NOL10: variants seen among roughly 807,000 people sequenced by gnomAD.
NOL10 encodes the protein H_NH0074G24.1.
A neutral mutation model predicts 103.5 loss-of-function variants in NOL10; 58 were observed. That is an observed-to-expected ratio of 0.56 (90% CI 0.45 to 0.70). The LOEUF (loss-of-function observed/expected upper bound fraction) is 0.70, where lower values mean the gene tolerates loss of function less well. Ranked by LOEUF, NOL10 falls within the 30% of genes least tolerant of loss-of-function variation. The pLI, the probability that NOL10 is intolerant of heterozygous loss-of-function variation, is 0.00. For synonymous variants in NOL10, 287 were observed against 282.5 expected (o/e 1.02, Z -0.16); for missense variants, 763 against 807.3 (o/e 0.95, Z 0.67).
At chr2:10,689,535 G>C (rs954382315) in intron 1 of NOL10, among the ~76,000 whole-genome samples, 7 of 152,242 alleles carry the variant, frequency 4.6e-5, no homozygotes, top group Non-Finnish European at 8.8e-5. Flanking sequence ...CTCTGGAACA[G>C]AGAACTTTAC....
chr2:10,618,147 G>C (rs963245200), intron 13 of NOL10, among the ~76,000 whole-genome samples: 1 of 151,858 alleles, frequency 6.6e-6, no homozygotes, highest in Non-Finnish European at 1.5e-5. Flanking sequence ...GAATAGCTGG[G>C]ATTATGGGTG....
At position 10,677,857 on chromosome 2, in the gene NOL10, G is replaced by GTA. The variant is rs1273438317; in HGVS notation, c.212-1987_212-1986insTA. On this transcript the variant is annotated intron_variant, in intron 3 of 20. Transcript: ENST00000381685. ...AATACATTTGTGTGTGTGTGTGTGT[G>GTA]TGTGTGTGTGTGTGTATACACATAT... Among the ~76,000 whole-genome samples the GTA allele has an allele frequency of 2.4e-3, 332 of 137,466 alleles. 1 individual carries two copies. Among genetic ancestry groups the GTA allele is most frequent in the African/African-American group, 9.0e-3 (316 of 35,302 alleles). 90.2% of individuals were successfully genotyped at this position (137,466 alleles called of 152,430 possible).
At chr2:10,594,423 T>G (rs1675556924) in intron 17 of NOL10, among the ~76,000 whole-genome samples, 2 of 152,040 alleles carry the variant, frequency 1.3e-5, no homozygotes, top group African/African-American at 4.8e-5. Context: ...ATCCCCAGGA[T>G]AATGGTAAAG....
intron 5 of NOL10, among the ~76,000 whole-genome samples, chr2:10,672,050 G>A (rs751898574): frequency 3.3e-5 from 5 of 152,120 alleles, no homozygotes; most frequent in African/African-American, 4.8e-5. Flanking sequence ...AATCCTGGCC[G>A]GGCATGGTGG....
chr2:10,652,663 C>A (rs995512032), intron 12 of NOL10, among the ~76,000 whole-genome samples: 1 of 152,154 alleles, frequency 6.6e-6, no homozygotes, highest in Admixed American at 6.5e-5. Flanking sequence ...GCTGGCTCCT[C>A]CCCCTCATTC....
chr2:10,629,571 G>C (rs180706530), intron 13 of NOL10, among the ~76,000 whole-genome samples: 54 of 152,264 alleles, frequency 3.5e-4, no homozygotes, highest in Non-Finnish European at 6.9e-4. Flanking sequence ...TTTGTACAAA[G>C]AGTGCGCCTT....
At chr2:10,581,575 C>T (rs557383389) in intron 19 of NOL10, among the ~76,000 whole-genome samples, 1 of 152,176 alleles carries the variant, frequency 6.6e-6, no homozygotes, top group African/African-American at 2.4e-5. Context: ...GCCTGCAATT[C>T]CAGCATTTTG....
intron 13 of NOL10, among the ~76,000 whole-genome samples, chr2:10,630,588 G>A (rs1328911072): frequency 6.6e-6 from 1 of 152,106 alleles, no homozygotes; most frequent in Non-Finnish European, 1.5e-5. Context: ...GGTGGCAGGT[G>A]CCTGTAGTCC....
At chr2:10,689,599 C>G (rs1222517086) in intron 1 of NOL10, among the ~76,000 whole-genome samples, 197 bp downstream of exon 1, 1 of 152,348 alleles carries the variant, frequency 6.6e-6, no homozygotes, top group African/African-American at 2.4e-5. Flanking sequence ...CAGTTTCTGG[C>G]GCGGTGACGG....
intron 14 of NOL10, among the ~76,000 whole-genome samples, chr2:10,606,393 G>A (rs1208765532): frequency 2.0e-5 from 3 of 151,930 alleles, no homozygotes; most frequent in African/African-American, 4.8e-5. Flanking sequence ...GAGAGGCTGA[G>A]GTGGGTGGAT....
chr2:10,617,741 C>T (rs1379105052), intron 13 of NOL10, among the ~76,000 whole-genome samples: 3 of 152,070 alleles, frequency 2.0e-5, no homozygotes, highest in African/African-American at 7.2e-5. Flanking sequence ...AATGGGTGAA[C>T]AAATGTGATA....
chr2:10,615,291 T>C lies in NOL10; in HGVS notation c.1027-7980A>G, dbSNP rs536078001. On this transcript the variant is annotated intron_variant, in intron 13 of 20. Coordinates refer to ENST00000381685, the MANE Select transcript of NOL10 (RefSeq NM_024894.4). ...AACTATTACCTGCCATGACTTAATA[T>C]TTGAAAAGATAATTTAGGGACTGAA... Among the ~76,000 whole-genome samples the C allele has an allele frequency of 9.2e-5, 14 of 152,320 alleles. No homozygotes were observed. In the East Asian group the frequency reaches 2.7e-3, roughly 29 times the overall value.
chr2:10,591,995 G>GTCAC (rs1410413093), intron 17 of NOL10, among the ~76,000 whole-genome samples: 1 of 123,188 alleles, frequency 8.1e-6, no homozygotes, highest in Non-Finnish European at 1.7e-5. Flanking sequence ...GAGAGACCTT[G>GTCAC]TCACAAACAA....
chr2:10,587,068 C>CATATATATATACATATATATACAT (rs760492547), intron 19 of NOL10, among the ~76,000 whole-genome samples: 1 of 24,708 alleles, frequency 4.0e-5, no homozygotes, highest in African/African-American at 1.8e-4. Flanking sequence ...TATATATATA[C>CATATATATATACATATATATACAT]ATATATATAC....
rs568457964 is a variant in NOL10 at position 10,654,333 on chromosome 2, T to C, written c.973+148A>G. The C allele has an allele frequency of 3.4e-4, 198 of 586,698 alleles. 1 individual carries two copies. The Admixed American group carries it at 6.3e-3, about 19-fold the overall frequency. The allele number at this position is 586,698 out of a possible 1,614,324, so 36.3% of individuals were successfully genotyped here. A position where few individuals can be genotyped will look rare whatever the true frequency, so the allele number is the denominator to read the frequency against. On this transcript the variant is annotated intron_variant, in intron 12 of 20. Coordinates refer to ENST00000381685, the MANE Select transcript of NOL10 (RefSeq NM_024894.4). ...TCTAAGTAAGTTAAATATCCAAGAA[T>C]TGTGCTGACAAAGCCAAATTCTATC...
chr2:10,647,526 A>G (rs1474906074), intron 12 of NOL10, among the ~76,000 whole-genome samples: 1 of 152,222 alleles, frequency 6.6e-6, no homozygotes, highest in Non-Finnish European at 1.5e-5. Context: ...AGAAAATTCG[A>G]AACAAAACAA....
At chr2:10,641,653 G>C (rs1020759982) in intron 13 of NOL10, among the ~76,000 whole-genome samples, 3 of 152,294 alleles carry the variant, frequency 2.0e-5, no homozygotes, top group African/African-American at 7.2e-5. Context: ...ATAGTTATCT[G>C]CACATTTGCC....
At chr2:10,616,538 C>T (rs957439638) in intron 13 of NOL10, among the ~76,000 whole-genome samples, 1 of 121,076 alleles carries the variant, frequency 8.3e-6, no homozygotes, top group Non-Finnish European at 1.7e-5. Flanking sequence ...CATTTTAGCA[C>T]CTCATTCTTC....
chr2:10,639,978 A>G (rs1414255119), intron 13 of NOL10, among the ~76,000 whole-genome samples: 1 of 152,206 alleles, frequency 6.6e-6, no homozygotes, highest in African/African-American at 2.4e-5. Flanking sequence ...CAGGAACTGC[A>G]TTAGTTTATA....
Sources: gnomAD v4.1 joint callset for allele counts (sites outside exome capture counted in the v4.1 genomes callset) on GRCh38, gnomAD v4.1.1 for gene constraint, MANE v1.5 for transcripts, NCBI Gene and HGNC (gene_info 2026-07-23, HGNC 2026-07-21) for gene names.